The following DLC1 variants were observed in gnomAD, a reference collection of about 807,000 sequenced individuals.
DLC1 encodes the protein DLC1 Rho GTPase activating protein, also known as rho GTPase-activating protein 7.
In DLC1, 54 loss-of-function variants were observed where a neutral mutation model predicts 140.3. That is an observed-to-expected ratio of 0.38 (90% CI 0.31 to 0.48). DLC1 has a LOEUF of 0.48. DLC1 is among the 20% of genes least tolerant of loss of function. The pLI is 0.96. For missense variants in DLC1, 2,536 were observed against 1,907.0 expected, an observed-to-expected ratio of 1.33 and a Z score of -6.14; for synonymous variants, 986 against 728.1, an observed-to-expected ratio of 1.35 and a Z score of -5.70.
intron 4 of DLC1, among the ~76,000 whole-genome samples, chr8:13,376,827 T>G (rs1330510907): frequency 6.6e-6 from 1 of 152,166 alleles, no homozygotes; most frequent in African/African-American, 2.4e-5. Context: ...TAGCTCTTGA[T>G]GAGTGACTCC....
At chr8:13,515,946 C>G (rs1387838576), upstream of DLC1, among the ~76,000 whole-genome samples, 1 of 152,124 alleles carries the variant, frequency 6.6e-6, no homozygotes, top group Non-Finnish European at 1.5e-5. Context: ...GACCCAGAAT[C>G]CTCTTTAGAG....
intron 5 of DLC1, among the ~76,000 whole-genome samples, chr8:13,188,827 GTATATATATATATATATTTTTTTTT>G (rs1826561908): frequency 3.5e-5 from 1 of 28,626 alleles, no homozygotes; most frequent in Non-Finnish European, 7.3e-5. Context: ...ATATATATAT[GTATATATATATATATATTTTTTTTT>G]TTTTTTTTTT....
chr8:13,269,895 A>C lies in DLC1; in HGVS notation c.1348+35374T>G, dbSNP rs558246673. On this transcript the variant is annotated intron_variant, in intron 5 of 17. Transcript: ENST00000276297. ...ACACGGTGAAACCCCGTCTCTACTA[A>C]AAATACAAAAAAAAAAAAAAAATTA... is the stretch of plus-strand genomic sequence containing the variant. Among the ~76,000 whole-genome samples, 175 of 122,920 alleles carry C rather than the reference A, an allele frequency of 1.4e-3. 1 individual carries two copies. The highest frequency in any genetic ancestry group is 2.3e-3 in the Non-Finnish European group (131 of 56,912). The allele number at this position is 122,920 out of a possible 152,430, so 80.6% of individuals were successfully genotyped here. A position where few individuals can be genotyped will look rare whatever the true frequency, so the allele number is the denominator to read the frequency against.
At chr8:13,277,503 C>G (rs1280981890) in intron 5 of DLC1, among the ~76,000 whole-genome samples, 2 of 152,152 alleles carry the variant, frequency 1.3e-5, no homozygotes, top group Non-Finnish European at 2.9e-5. Context: ...TGAACTTCCT[C>G]ATTACAATTG....
chr8:13,217,429 G>A (rs1188274), intron 5 of DLC1, among the ~76,000 whole-genome samples: 34,014 of 151,986 alleles, frequency 0.22, 5,717 homozygotes, highest in African/African-American at 0.48. Flanking sequence ...AGAATGATCT[G>A]CATCTGAGCC....
intron 4 of DLC1, among the ~76,000 whole-genome samples, chr8:13,306,233 A>G (rs1832420526): frequency 6.6e-6 from 1 of 152,174 alleles, no homozygotes. Flanking sequence ...CCCAGCATTT[A>G]TCACTGTTAT....
At chr8:13,148,012 C>T (rs1423433465) in intron 5 of DLC1, among the ~76,000 whole-genome samples, 1 of 152,062 alleles carries the variant, frequency 6.6e-6, no homozygotes, top group African/African-American at 2.4e-5. Flanking sequence ...GCATTTATTA[C>T]TAACCTGAGA....
chr8:13,506,581 G>GTGTGTATATATATATATATATA (rs1246764417), intron 1 of DLC1, among the ~76,000 whole-genome samples: 4 of 131,138 alleles, frequency 3.1e-5, no homozygotes, highest in African/African-American at 1.3e-4. Context: ...GTGTGTGTGT[G>GTGTGTATATATATATATATATA]TATATATATA....
intron 4 of DLC1, among the ~76,000 whole-genome samples, chr8:13,314,423 A>G (rs996831209): frequency 4.0e-5 from 6 of 151,650 alleles, no homozygotes; most frequent in African/African-American, 1.2e-4. Context: ...AGCATATAAT[A>G]TCTAGCTAAG....
At chr8:13,304,934 T>C in intron 5 of DLC1, 3 of 1,014,320 alleles carry the variant, frequency 3.0e-6, no homozygotes, top group Non-Finnish European at 3.5e-6. Context: ...AAAATAAACC[T>C]TGGTAATTAT....
chr8:13,482,820 A>C (rs142724405), intron 2 of DLC1, among the ~76,000 whole-genome samples: 64 of 152,340 alleles, frequency 4.2e-4, no homozygotes, highest in African/African-American at 1.2e-3. Context: ...TAATAAATGC[A>C]TGCTGTACAC....
At position 13,300,564 on chromosome 8, in the gene DLC1, G is replaced by A. The variant is rs545228451; in HGVS notation, c.1348+4705C>T. On this transcript the variant is annotated intron_variant, in intron 5 of 17. Coordinates refer to ENST00000276297, the MANE Select transcript of DLC1 (RefSeq NM_182643.3). ...GTGGCTGAATGAGGAAGACAGAAAG[G>A]AGGGAAGTCCTTTGATTTAGTTCAC... is the stretch of plus-strand genomic sequence containing the variant. Among the ~76,000 whole-genome samples, 16 of 152,262 alleles carry A rather than the reference G, an allele frequency of 1.1e-4. No individual in the cohort carries two copies. The South Asian group carries it at 1.7e-3, about 16-fold the overall frequency.
At chr8:13,115,535 A>C in intron 6 of DLC1, 51 bp downstream of exon 6, 1 of 1,519,372 alleles carries the variant, frequency 6.6e-7, no homozygotes, top group Non-Finnish European at 9.1e-7. Flanking sequence ...ATACTCGCGA[A>C]CAAGGGATTA....
chr8:13,595,156 A>T (rs757770521), intron 1 of DLC1, among the ~76,000 whole-genome samples: 3 of 152,074 alleles, frequency 2.0e-5, no homozygotes, highest in African/African-American at 7.2e-5. Context: ...AAGCATTAAG[A>T]TTACTAAAAA....
At chr8:13,530,512 T>C (rs1198728725) in intron 1 of DLC1, among the ~76,000 whole-genome samples, 3 of 152,182 alleles carry the variant, frequency 2.0e-5, no homozygotes, top group Non-Finnish European at 2.9e-5. Flanking sequence ...TGTGTGCATC[T>C]GTATGTGTGT....
chr8:13,174,075 C>T (rs1250113754), intron 5 of DLC1, among the ~76,000 whole-genome samples: 3 of 152,046 alleles, frequency 2.0e-5, no homozygotes, highest in Admixed American at 6.6e-5. Context: ...CACATGTACC[C>T]AATGTTTAGG....
At chr8:13,511,423 A>C (rs1295456044) in intron 1 of DLC1, among the ~76,000 whole-genome samples, 2 of 152,100 alleles carry the variant, frequency 1.3e-5, no homozygotes, top group African/African-American at 2.4e-5. Flanking sequence ...ACTGGGCCTC[A>C]AGGTCCTAGT....
At chr8:13,555,118 A>G (rs898156042) in intron 1 of DLC1, among the ~76,000 whole-genome samples, 2 of 151,430 alleles carry the variant, frequency 1.3e-5, no homozygotes, top group Non-Finnish European at 2.9e-5. Context: ...TACTTCCTTC[A>G]CTCCTTTGTT....
At chr8:13,376,820 C>A (rs1259089381) in intron 4 of DLC1, among the ~76,000 whole-genome samples, 1 of 152,162 alleles carries the variant, frequency 6.6e-6, no homozygotes, top group Non-Finnish European at 1.5e-5. Flanking sequence ...TTAATCCTAG[C>A]TCTTGATGAG....
Sources: allele counts gnomAD v4.1 joint callset (sites outside exome capture counted in the v4.1 genomes callset), GRCh38; gene constraint gnomAD v4.1.1; transcripts MANE v1.5; gene names NCBI Gene and HGNC (gene_info 2026-07-23, HGNC 2026-07-21).